SCARB2: variants seen among roughly 807,000 people sequenced by gnomAD.
The protein encoded by SCARB2 is lysosome membrane protein 2.
A neutral mutation model predicts 58.6 loss-of-function variants in SCARB2; 29 were observed. The ratio of observed to expected loss-of-function variants is 0.49; its 90% CI spans 0.37 to 0.67. The LOEUF (loss-of-function observed/expected upper bound fraction) is 0.67. Ranked by LOEUF, SCARB2 falls within the 30% of genes least tolerant of loss-of-function variation. SCARB2 has a pLI of 0.00. For missense variants in SCARB2, 488 were observed against 578.5 expected (o/e 0.84, Z 1.60); for synonymous variants, 195 against 210.1 (o/e 0.93, Z 0.62).
chr4:76,186,186 C>T (rs938837091), intron 2 of SCARB2, among the ~76,000 whole-genome samples: 19 of 152,142 alleles, frequency 1.2e-4, no homozygotes, highest in African/African-American at 3.9e-4. Context: ...TGGAAGGGGA[C>T]TCCTGCAAAA....
chr4:76,229,297 CCTT>C (rs1356606405), intron 1 of SCARB2, among the ~76,000 whole-genome samples: 5 of 152,100 alleles, frequency 3.3e-5, no homozygotes, highest in African/African-American at 9.7e-5. Context: ...TCTGGTATCT[CCTT>C]GAGTAGCCTT....
At chr4:76,234,019 T>A (rs1733538369) in intron 1 of SCARB2, among the ~76,000 whole-genome samples, 1 of 152,146 alleles carries the variant, frequency 6.6e-6, no homozygotes, top group Non-Finnish European at 1.5e-5. Context: ...GGGAGACAAG[T>A]TTAATTGCTG....
chr4:76,199,783 A>G (rs1732792106), intron 1 of SCARB2, among the ~76,000 whole-genome samples: 1 of 152,188 alleles, frequency 6.6e-6, no homozygotes, highest in Non-Finnish European at 1.5e-5. Context: ...CCTAGTAAGG[A>G]GCCCACAGGT....
intron 7 of SCARB2, chr4:76,173,735 G>A (rs529766404): frequency 7.8e-6 from 2 of 257,670 alleles, no homozygotes; most frequent in Non-Finnish European, 1.5e-5. Flanking sequence ...CATACATCAG[G>A]TGCTTAGTAA....
Position 76,227,067 on chromosome 4 carries a change from G to T in SCARB2, c.-358+7236C>A, listed in dbSNP as rs111950458. Among the ~76,000 whole-genome samples the T allele has an allele frequency of 5.8e-3, 882 of 151,998 alleles. 11 individuals are homozygous for T. The highest frequency in any genetic ancestry group is 0.02 in the African/African-American group (833 of 41,464). On this transcript the variant is annotated intron_variant, in intron 1 of 11. Transcript: ENST00000638295. ...TTTGTTATTTCTTTTCTTCTGCTGG[G>T]TTTGGGTTTGGTTTGTTCTTGTTTC...
chr4:76,211,501 C>T (rs978978133), intron 1 of SCARB2, among the ~76,000 whole-genome samples: 1 of 152,204 alleles, frequency 6.6e-6, no homozygotes, highest in Non-Finnish European at 1.5e-5. Context: ...CTAACTATAT[C>T]CCAGAAAGAT....
chr4:76,208,511 G>A (rs999820687), intron 1 of SCARB2, among the ~76,000 whole-genome samples: 3 of 152,216 alleles, frequency 2.0e-5, no homozygotes, highest in African/African-American at 7.2e-5. Flanking sequence ...GAGGTCAACA[G>A]CTGGAAAGTC....
At chr4:76,187,633 T>C (rs964615809) in intron 2 of SCARB2, among the ~76,000 whole-genome samples, 2 of 152,184 alleles carry the variant, frequency 1.3e-5, no homozygotes, top group African/African-American at 4.8e-5. Context: ...TGTACATGCA[T>C]ATGTACATAG....
chr4:76,191,296 T>C (rs1732599956), intron 2 of SCARB2, among the ~76,000 whole-genome samples: 1 of 152,194 alleles, frequency 6.6e-6, no homozygotes, highest in Non-Finnish European at 1.5e-5. Context: ...ATTCTACATA[T>C]TGACTTGTAC....
rs111740309 is a variant in SCARB2 at position 76,224,238 on chromosome 4, G to A, written c.-358+10065C>T. ...CACCATTGTCACACATAGTTCATCC[G>A]AAATTCACGGGATAATTGGGCTGGC... On this transcript the variant is annotated intron_variant, in intron 1 of 11. Coordinates refer to the SCARB2 transcript ENST00000638295. Among the ~76,000 whole-genome samples, 950 of 152,256 alleles carry A rather than the reference G, an allele frequency of 6.2e-3. 12 individuals are homozygous for A. The highest frequency in any genetic ancestry group is 0.022 in the African/African-American group (902 of 41,552).
intron 4 of SCARB2, chr4:76,178,957 C>G (rs549833987): frequency 6.1e-6 from 1 of 163,310 alleles, no homozygotes; most frequent in East Asian, 1.8e-4. Flanking sequence ...CCAGAGCACA[C>G]CCCTAATCTA....
rs751827409 is a variant in SCARB2, at chr4:76,163,352, C to T, written c.1271G>A (p.Arg424Gln). 6.8e-5 allele frequency: 110 copies of T among 1,613,982 alleles called. No individual in the cohort carries two copies. In the Admixed American group the frequency reaches 1.2e-3, roughly 17 times the overall value. ...SVHIDKETAS[R>Q]LKSMINTTLI... Reference sequence around the variant, plus strand: ...AGTAGTGTTAATCATAGACTTCAGTCGACTCGCCGTCTCTTTATCAATGTG... The same window carrying T: ...AGTAGTGTTAATCATAGACTTCAGTTGACTCGCCGTCTCTTTATCAATGTG... Residue 424 changes from arginine (R) to glutamine (Q), a missense_variant, in exon 11 of 12, where the codon CGA (arginine) becomes CAA (glutamine). Coordinates refer to ENST00000264896, the MANE Select transcript of SCARB2 (RefSeq NM_005506.4).
intron 1 of SCARB2, among the ~76,000 whole-genome samples, chr4:76,226,280 G>T (rs1733396989): frequency 6.6e-6 from 1 of 152,164 alleles, no homozygotes; most frequent in African/African-American, 2.4e-5. Flanking sequence ...AACAGGTGAG[G>T]ACATGAGGAC....
intron 2 of SCARB2, among the ~76,000 whole-genome samples, chr4:76,183,618 A>C (rs1732429264): frequency 6.6e-6 from 1 of 152,110 alleles, no homozygotes; most frequent in Non-Finnish European, 1.5e-5. Context: ...AACTCTCCAA[A>C]TTCAGTCCTT....
rs1337378606 is a variant in SCARB2 at position 76,160,609 on chromosome 4, T to C, written c.*1104A>G. On this transcript the variant is annotated 3_prime_UTR_variant, in exon 12 of 12. Transcript: ENST00000264896. Reference sequence around the variant, plus strand: ...CGTTTCTCTATTCAGTGAGTGACAGTGAGCTACAAAACACTGGAAAGAACT... The same window carrying C: ...CGTTTCTCTATTCAGTGAGTGACAGCGAGCTACAAAACACTGGAAAGAACT... 2 of 152,216 alleles carry C rather than the reference T, an allele frequency of 1.3e-5. No individual in the cohort carries two copies. Among genetic ancestry groups the C allele is most frequent in the Non-Finnish European group, 2.9e-5 (2 of 68,044 alleles). 9.4% of individuals were successfully genotyped at this position (152,216 alleles called of 1,614,324 possible).
rs1043674178 is a variant in SCARB2 at position 76,161,312 on chromosome 4, C to T, written c.*401G>A. The T allele has an allele frequency of 1.2e-5, 3 of 242,738 alleles. No individual in the cohort carries two copies. Among genetic ancestry groups the T allele is most frequent in the East Asian group, 9.9e-5 (1 of 10,150 alleles). The allele number at this position is 242,738 out of a possible 1,614,324, so 15.0% of individuals were successfully genotyped here. A position where few individuals can be genotyped will look rare whatever the true frequency, so the allele number is the denominator to read the frequency against. On this transcript the variant is annotated 3_prime_UTR_variant, in exon 12 of 12. Transcript: ENST00000264896. The stretch of plus-strand genomic sequence containing the variant: ...GGAATACAACATAAAATGGTATATA[C>T]GCATTTTGAGCACAAAGTTCGGTGA...
At chr4:76,174,542 A>G (rs1732207148) in intron 6 of SCARB2, 1 of 523,738 alleles carries the variant, frequency 1.9e-6, no homozygotes, top group East Asian at 3.5e-5. Context: ...AAACAAGAAA[A>G]AACAATATGT....
chr4:76,161,977 C>T (rs978961770), intron 11 of SCARB2: 1 of 596,414 alleles, frequency 1.7e-6, no homozygotes, highest in Non-Finnish European at 3.0e-6. Context: ...AATACCAGAG[C>T]AGTACCCTTC....
At chr4:76,178,802 TA>T (rs895687202) in intron 4 of SCARB2, among the ~76,000 whole-genome samples, 3 of 152,216 alleles carry the variant, frequency 2.0e-5, no homozygotes, top group Admixed American at 6.5e-5. Context: ...ACGTTTTATA[TA>T]ACCTTGAAGG....
Sources: gnomAD v4.1 joint callset for allele counts (sites outside exome capture counted in the v4.1 genomes callset) on GRCh38, gnomAD v4.1.1 for gene constraint, MANE v1.5 for transcripts, NCBI Gene and HGNC (gene_info 2026-07-23, HGNC 2026-07-21) for gene names.